The following KIAA1217 variants were observed in gnomAD, a reference collection of about 807,000 sequenced individuals.
KIAA1217 encodes KIAA1217.
In KIAA1217, 88 loss-of-function variants were observed where a neutral mutation model predicts 163.9. That is an observed-to-expected ratio of 0.54 (90% CI 0.45 to 0.64). KIAA1217 has a LOEUF of 0.64. KIAA1217 is among the 30% of genes least tolerant of loss of function. The probability of loss-of-function intolerance (pLI) is 0.00; values close to 1 mark genes in which losing one functional copy is unlikely to be tolerated. For synonymous variants in KIAA1217, 903 were observed against 923.1 expected (o/e 0.98, Z 0.39); for missense variants, 2,372 against 2,475.0 (o/e 0.96, Z 0.88).
chr10:24,380,994 T>C lies in KIAA1217; in HGVS notation c.480T>C (p.Phe160=). 6.2e-7 allele frequency: 1 copy of C among 1,609,706 alleles called. No homozygotes were observed. The highest frequency in any genetic ancestry group is 8.5e-7 in the Non-Finnish European group (1 of 1,177,712). ...CTGAGGGGGATGCTCCAACCCCTTT[T>C]TCCAGAGGCAGCCGGACTCGTGCGA... ...AMSEGDAPTP[F]SRGSRTRASL... The change falls in exon 3 of 21, where the codon TTT becomes TTC. Residue 160 remains phenylalanine, a synonymous_variant. Coordinates refer to ENST00000376454, the MANE Select transcript of KIAA1217 (RefSeq NM_019590.5).
At chr10:24,289,571 GA>G (rs1302960440) in intron 2 of KIAA1217, among the ~76,000 whole-genome samples, 2 of 152,118 alleles carry the variant, frequency 1.3e-5, no homozygotes, top group Non-Finnish European at 2.9e-5. Flanking sequence ...GCTTGCCATC[GA>G]ATTTTCCAAC....
intron 2 of KIAA1217, among the ~76,000 whole-genome samples, chr10:24,368,322 T>A (rs2051077042): frequency 6.6e-6 from 1 of 152,154 alleles, no homozygotes. Context: ...TTATTCCTAC[T>A]TTCAGAATAG....
Position 23,792,288 on chromosome 10 carries a change from C to A in KIAA1217, c.-321+97054C>A, listed in dbSNP as rs555694577. On this transcript the variant is annotated intron_variant, in intron 1 of 18. Coordinates refer to the KIAA1217 transcript ENST00000376462. The stretch of plus-strand genomic sequence containing the variant: ...AGCCAAGCTATGCTTTAGATGTCTA[C>A]AGAAGCCTGCTATTTAAGGAAAACT... Among the ~76,000 whole-genome samples the A allele has an allele frequency of 9.9e-4, 151 of 152,254 alleles. 1 individual carries two copies. The highest frequency in any genetic ancestry group is 3.5e-3 in the African/African-American group (146 of 41,556).
intron 1 of KIAA1217, among the ~76,000 whole-genome samples, chr10:23,791,444 C>G (rs1163075904): frequency 1.3e-5 from 2 of 152,050 alleles, no homozygotes; most frequent in African/African-American, 4.8e-5. Flanking sequence ...TTCCTAAATA[C>G]TTAGAAATAT....
chr10:24,203,105 G>T (rs1269219328), intron 2 of KIAA1217, among the ~76,000 whole-genome samples: 1 of 151,100 alleles, frequency 6.6e-6, no homozygotes, highest in Non-Finnish European at 1.5e-5. Context: ...GTAGAGGATT[G>T]ATTGAGCCCA....
intron 1 of KIAA1217, among the ~76,000 whole-genome samples, chr10:23,725,343 G>A (rs1489326293): frequency 6.6e-6 from 1 of 152,204 alleles, no homozygotes; most frequent in Non-Finnish European, 1.5e-5. Context: ...AAGGCCACCA[G>A]TTAGAATGCA....
intron 2 of KIAA1217, among the ~76,000 whole-genome samples, chr10:24,268,401 C>T (rs1314971543): frequency 1.3e-5 from 2 of 151,900 alleles, no homozygotes; most frequent in Non-Finnish European, 2.9e-5. Flanking sequence ...GGGCAAAGGA[C>T]ATGAACAGAC....
At chr10:23,795,468 C>G (rs1483095857) in intron 1 of KIAA1217, among the ~76,000 whole-genome samples, 1 of 152,152 alleles carries the variant, frequency 6.6e-6, no homozygotes, top group Non-Finnish European at 1.5e-5. Flanking sequence ...TGCTTAAGAC[C>G]TGAACTTCTC....
chr10:24,529,517 T>C (rs887288062), intron 14 of KIAA1217, among the ~76,000 whole-genome samples: 1 of 152,164 alleles, frequency 6.6e-6, no homozygotes, highest in African/African-American at 2.4e-5. Context: ...TTTTTCCATC[T>C]GCAGTTGGTT....
intron 1 of KIAA1217, among the ~76,000 whole-genome samples, chr10:23,922,120 T>C (rs998774976): frequency 6.6e-6 from 1 of 151,774 alleles, no homozygotes; most frequent in Non-Finnish European, 1.5e-5. Flanking sequence ...CATGACTACA[T>C]AATGCAACCT....
Position 24,218,097 on chromosome 10 carries a change from G to T in KIAA1217, c.71-1529G>T, listed in dbSNP as rs578240496. The stretch of plus-strand genomic sequence containing the variant: ...TGATAAGAACTGTTCTTCGTGAAGA[G>T]CCTGACTTCATGAAGAGAGCCTGTC... On this transcript the variant is annotated intron_variant, in intron 1 of 20. Coordinates refer to ENST00000376454, the MANE Select transcript of KIAA1217 (RefSeq NM_019590.5). 2.6e-5 allele frequency among the ~76,000 whole-genome samples: 4 copies of T among 152,284 alleles called. No homozygotes were observed. In the South Asian group the frequency reaches 8.3e-4, roughly 32 times the overall value.
At chr10:24,458,551 C>A (rs1348182083) in intron 5 of KIAA1217, among the ~76,000 whole-genome samples, 1 of 152,176 alleles carries the variant, frequency 6.6e-6, no homozygotes, top group Non-Finnish European at 1.5e-5. Context: ...ACACTGATTT[C>A]TTAACACTAG....
intron 2 of KIAA1217, among the ~76,000 whole-genome samples, chr10:24,304,167 G>C (rs981594466): frequency 1.6e-5 from 2 of 126,610 alleles, no homozygotes; most frequent in Non-Finnish European, 3.3e-5. Flanking sequence ...GTTTCAGTTT[G>C]TCATTGCTTC....
intron 2 of KIAA1217, among the ~76,000 whole-genome samples, chr10:24,067,828 A>T (rs896921514): frequency 2.0e-5 from 3 of 152,176 alleles, no homozygotes; most frequent in Non-Finnish European, 2.9e-5. Flanking sequence ...TTACCTACTC[A>T]AGCCTGAGCA....
intron 1 of KIAA1217, among the ~76,000 whole-genome samples, chr10:23,914,046 A>T (rs959472710): frequency 6.6e-6 from 1 of 152,196 alleles, no homozygotes; most frequent in African/African-American, 2.4e-5. Context: ...ACCCAGCCTT[A>T]CCATGCTGTG....
At chr10:24,087,401 T>C (rs750167856) in intron 2 of KIAA1217, among the ~76,000 whole-genome samples, 3 of 152,228 alleles carry the variant, frequency 2.0e-5, no homozygotes, top group Non-Finnish European at 2.9e-5. Flanking sequence ...TACGGTGTCA[T>C]TGGTTTACTA....
intron 2 of KIAA1217, among the ~76,000 whole-genome samples, chr10:24,329,081 T>C (rs1365822660): frequency 6.8e-6 from 1 of 148,028 alleles, no homozygotes; most frequent in Non-Finnish European, 1.5e-5. Flanking sequence ...ATATAAATAG[T>C]ATAAATATAT....
intron 1 of KIAA1217, among the ~76,000 whole-genome samples, chr10:23,917,539 C>T (rs917821272): frequency 1.3e-5 from 2 of 152,198 alleles, no homozygotes; most frequent in Non-Finnish European, 2.9e-5. Context: ...GATGCAATAA[C>T]AGATTGGAGA....
intron 1 of KIAA1217, among the ~76,000 whole-genome samples, chr10:23,748,949 A>G (rs1839577327): frequency 6.6e-6 from 1 of 152,060 alleles, no homozygotes; most frequent in South Asian, 2.1e-4. Flanking sequence ...CTTCCTCAAT[A>G]CTAGTGAACT....
Sources: allele counts gnomAD v4.1 joint callset (sites outside exome capture counted in the v4.1 genomes callset), GRCh38; gene constraint gnomAD v4.1.1; transcripts MANE v1.5; gene names NCBI Gene and HGNC (gene_info 2026-07-23, HGNC 2026-07-21).